The following DPYD variants were observed in gnomAD, a reference collection of about 807,000 sequenced individuals.
DPYD encodes the protein dihydropyrimidine dehydrogenase [NADP(+)].
DPYD carries 109 observed loss-of-function variants against 116.2 expected under a neutral mutation model. The observed-to-expected ratio is 0.94, with a 90% CI of 0.80 to 1.10. The LOEUF (loss-of-function observed/expected upper bound fraction) is 1.10, where lower values mean the gene tolerates loss of function less well. Among genes scored for constraint, DPYD ranks in the 50% least tolerant of loss-of-function variants. The probability of loss-of-function intolerance (pLI) is 0.00; values close to 1 mark genes in which losing one functional copy is unlikely to be tolerated. For missense variants in DPYD, 1,302 were observed against 1,254.5 expected, an observed-to-expected ratio of 1.04 and a Z score of -0.57; for synonymous variants, 440 against 432.0, an observed-to-expected ratio of 1.02 and a Z score of -0.23.
At chr1:97,526,394 T>C (rs1342233585) in intron 12 of DPYD, among the ~76,000 whole-genome samples, 1 of 151,858 alleles carries the variant, frequency 6.6e-6, no homozygotes, top group African/African-American at 2.4e-5. Flanking sequence ...CCAGTAATTT[T>C]TTACTCTACT....
Position 97,546,560 on chromosome 1 carries a change from T to C in DPYD, c.1524+3000A>G, listed in dbSNP as rs1248021436. On this transcript the variant is annotated intron_variant, in intron 12 of 22. Coordinates refer to ENST00000370192, the MANE Select transcript of DPYD (RefSeq NM_000110.4). ...AGCATACAGCAAGAAGAGAGCGCTC[T>C]ATTGGAAACCAAATCAAAAATAACA... 1.2e-5 allele frequency: 20 copies of C among 1,600,340 alleles called. No individual in the cohort carries two copies. In the South Asian group the frequency reaches 2.2e-4, roughly 18 times the overall value.
At chr1:97,323,227 T>A (rs1227727371) in intron 16 of DPYD, among the ~76,000 whole-genome samples, 1 of 149,068 alleles carries the variant, frequency 6.7e-6, no homozygotes, top group African/African-American at 2.4e-5. Flanking sequence ...TACATACATA[T>A]GTATATATGT....
chr1:97,132,107 C>T (rs1384911070), intron 20 of DPYD, among the ~76,000 whole-genome samples: 1 of 152,050 alleles, frequency 6.6e-6, no homozygotes, highest in Non-Finnish European at 1.5e-5. Context: ...AAACAAACCA[C>T]AAACATATTT....
At chr1:97,609,517 T>C (rs1469203098) in intron 8 of DPYD, among the ~76,000 whole-genome samples, 1 of 152,060 alleles carries the variant, frequency 6.6e-6, no homozygotes, top group Non-Finnish European at 1.5e-5. Context: ...ATATTTCTTA[T>C]ATACTTGAGC....
intron 18 of DPYD, among the ~76,000 whole-genome samples, chr1:97,300,040 T>C (rs1330924207): frequency 6.6e-6 from 1 of 152,148 alleles, no homozygotes; most frequent in Non-Finnish European, 1.5e-5. Context: ...AGCATCTGTA[T>C]TTGAAATGCC....
chr1:97,340,645 C>T (rs144905914), intron 16 of DPYD, among the ~76,000 whole-genome samples: 133 of 152,182 alleles, frequency 8.7e-4, no homozygotes, highest in African/African-American at 3.2e-3. Context: ...CACTGCACTC[C>T]AGCTTGAGCA....
intron 1 of DPYD, among the ~76,000 whole-genome samples, chr1:97,893,079 T>C (rs530372639): frequency 1.3e-5 from 2 of 151,900 alleles, no homozygotes; most frequent in South Asian, 4.1e-4. Context: ...ATGTTATCTA[T>C]GTATGTAATA....
At chr1:97,585,033 A>G (rs1014365733) in intron 10 of DPYD, among the ~76,000 whole-genome samples, 7 of 151,722 alleles carry the variant, frequency 4.6e-5, no homozygotes, top group Non-Finnish European at 1.5e-5. Context: ...TTGTATGTAC[A>G]TACGTAAAAT....
intron 7 of DPYD, among the ~76,000 whole-genome samples, chr1:97,685,561 G>A (rs111638010): frequency 6.6e-6 from 1 of 152,188 alleles, no homozygotes; most frequent in South Asian, 2.1e-4. Context: ...CTGCCTGTTT[G>A]CAGATGACAT....
intron 8 of DPYD, among the ~76,000 whole-genome samples, chr1:97,667,843 A>G (rs1364640468): frequency 6.6e-6 from 1 of 152,178 alleles, no homozygotes; most frequent in Non-Finnish European, 1.5e-5. Flanking sequence ...ATGTTAAACA[A>G]AATGTGATAT....
chr1:97,202,442 T>C (rs1570659005), intron 19 of DPYD, among the ~76,000 whole-genome samples: 1 of 152,170 alleles, frequency 6.6e-6, no homozygotes, highest in African/African-American at 2.4e-5. Context: ...ATTCTTTAAT[T>C]AATTTCTTAA....
At chr1:97,512,129 A>G (rs1453211990) in intron 13 of DPYD, among the ~76,000 whole-genome samples, 1 of 151,908 alleles carries the variant, frequency 6.6e-6, no homozygotes, top group Non-Finnish European at 1.5e-5. Flanking sequence ...TCATTTATCC[A>G]GCGAATATTT....
At chr1:97,422,999 A>G (rs1402741910) in intron 14 of DPYD, among the ~76,000 whole-genome samples, 1 of 152,002 alleles carries the variant, frequency 6.6e-6, no homozygotes, top group African/African-American at 2.4e-5. Context: ...AAGTAAGGGG[A>G]ATATCATACA....
chr1:97,789,135 C>A (rs1298274976), intron 3 of DPYD, among the ~76,000 whole-genome samples: 2 of 152,048 alleles, frequency 1.3e-5, no homozygotes, highest in Non-Finnish European at 2.9e-5. Flanking sequence ...CAAGAAATAA[C>A]CTGCACTGGG....
chr1:97,638,486 C>T (rs1657695458), intron 8 of DPYD, among the ~76,000 whole-genome samples: 1 of 152,024 alleles, frequency 6.6e-6, no homozygotes, highest in Non-Finnish European at 1.5e-5. Flanking sequence ...TAGACTAAGC[C>T]ATTATGAAAA....
chr1:97,190,874 T>G (rs942430230), intron 20 of DPYD, among the ~76,000 whole-genome samples: 15 of 152,086 alleles, frequency 9.9e-5, no homozygotes, highest in Non-Finnish European at 1.2e-4. Context: ...AATATCAGAG[T>G]AGCCATTGTA....
At chr1:97,400,868 T>C (rs905314822) in intron 14 of DPYD, among the ~76,000 whole-genome samples, 3 of 152,174 alleles carry the variant, frequency 2.0e-5, no homozygotes, top group Non-Finnish European at 4.4e-5. Context: ...GCTAGTGCTC[T>C]ATCAATTTTG....
chr1:97,577,570 G>T (rs142993662), intron 10 of DPYD, among the ~76,000 whole-genome samples: 1 of 151,926 alleles, frequency 6.6e-6, no homozygotes, highest in African/African-American at 2.4e-5. Flanking sequence ...CCTAACCTCC[G>T]TGTGTGTGGC....
intron 2 of DPYD, among the ~76,000 whole-genome samples, chr1:97,838,717 C>T (rs1324508609): frequency 6.6e-6 from 1 of 152,030 alleles, no homozygotes; most frequent in Non-Finnish European, 1.5e-5. Context: ...CGGTGGCGGG[C>T]GCCTGTAGTC....
Sources: allele counts gnomAD v4.1 joint callset (sites outside exome capture counted in the v4.1 genomes callset), GRCh38; gene constraint gnomAD v4.1.1; transcripts MANE v1.5; gene names NCBI Gene and HGNC (gene_info 2026-07-23, HGNC 2026-07-21).